The following CCDC184 variants were observed in gnomAD, a reference collection of about 807,000 sequenced individuals.
CCDC184 encodes coiled-coil domain-containing protein 184.
CCDC184 carries 11 observed loss-of-function variants against 10.4 expected under a neutral mutation model. That is an observed-to-expected ratio of 1.06 (90% CI 0.67 to 1.75). CCDC184 has a LOEUF of 1.75. CCDC184 is among the 40% of genes most tolerant of loss of function. The probability of loss-of-function intolerance (pLI) is 0.00; values close to 1 mark genes in which losing one functional copy is unlikely to be tolerated. For synonymous variants in CCDC184, 102 were observed against 116.1 expected, an observed-to-expected ratio of 0.88 and a Z score of 0.78; for missense variants, 264 against 267.9, an observed-to-expected ratio of 0.99 and a Z score of 0.10.
Position 48,183,951 on chromosome 12 carries a change from C to A in CCDC184, c.-172C>A. 1.7e-6 allele frequency: 1 copy of A among 594,668 alleles called. No homozygotes were observed. 36.8% of individuals were successfully genotyped at this position (594,668 alleles called of 1,614,324 possible). On this transcript the variant is annotated 5_prime_UTR_variant, in exon 1 of 1. Transcript: ENST00000316554. ...TCGGCCTCCCGCGATCCTGCCTGCG[C>A]CCTCTGCCCAGGACTCGTCTCTCAC...
chr12:48,184,988 T>A lies in CCDC184; in HGVS notation c.*281T>A. 2.5e-6 allele frequency: 1 copy of A among 404,384 alleles called. No homozygotes were observed. Among genetic ancestry groups the A allele is most frequent in the Admixed American group, 4.0e-5 (1 of 24,706 alleles). 25.0% of individuals were successfully genotyped at this position (404,384 alleles called of 1,614,324 possible). ...TGGACTCCCATCCATCCCTATCCTG[T>A]CCTTTCCCCCTTCCCAGACAACAGG... On this transcript the variant is annotated 3_prime_UTR_variant, in exon 1 of 1. Transcript: ENST00000316554.
rs1592869719 is a variant in CCDC184 at position 48,184,008 on chromosome 12, C to A, written c.-115C>A. ...TCCCCGCCAGTCTCGGGAGCCTCCG[C>A]TTCCCTCGGCTCCCGCTAGCCCCTC... On this transcript the variant is annotated 5_prime_UTR_variant, in exon 1 of 1. Coordinates refer to ENST00000316554, the MANE Select transcript of CCDC184 (RefSeq NM_001013635.4). The A allele has an allele frequency of 8.2e-6, 5 of 608,574 alleles. No homozygotes were observed. The East Asian group carries it at 1.8e-4, about 21-fold the overall frequency. 37.7% of individuals were successfully genotyped at this position (608,574 alleles called of 1,614,324 possible). A position where few individuals can be genotyped will look rare whatever the true frequency, so the allele number is the denominator to read the frequency against.
chr12:48,183,886 C>T lies in CCDC184; in HGVS notation c.-237C>T. On this transcript the variant is annotated 5_prime_UTR_variant, in exon 1 of 1. Transcript: ENST00000316554. Reference sequence around the variant, plus strand: ...CCGGGGCGATCCCAAGAGACGCCGGCTCTGGGACCCTCGCCGGGTCCTCGT... The same window carrying T: ...CCGGGGCGATCCCAAGAGACGCCGGTTCTGGGACCCTCGCCGGGTCCTCGT... 1.9e-6 allele frequency: 1 copy of T among 539,220 alleles called. No individual in the cohort carries two copies. The highest frequency in any genetic ancestry group is 3.3e-6 in the Non-Finnish European group (1 of 303,716). 33.4% of individuals were successfully genotyped at this position (539,220 alleles called of 1,614,324 possible).
In CCDC184 at chr12:48,184,317, G is replaced by A. The variant is rs1951486928; in HGVS notation, c.195G>A (p.Leu65=). ...FEDVRAMRGA[L]DEQASHIQVL... ...ACGTGAGGGCCATGAGGGGGGCCCT[G>A]GACGAGCAGGCCTCGCACATCCAGG... Residue 65 remains leucine, a synonymous_variant, in exon 1 of 1, where the codon CTG becomes CTA. Transcript: ENST00000316554. The A allele has an allele frequency of 2.5e-6, 4 of 1,613,958 alleles. No homozygotes were observed. The highest frequency in any genetic ancestry group is 2.2e-5 in the South Asian group (2 of 91,090).
Position 48,184,281 on chromosome 12 carries a change from C to T in CCDC184, c.159C>T (p.Ala53=). The change falls in exon 1 of 1, where the codon GCC becomes GCT. Residue 53 remains alanine (A), a synonymous_variant. Coordinates refer to ENST00000316554, the MANE Select transcript of CCDC184 (RefSeq NM_001013635.4). ...AGCACCTGAAAGCCCAGCTGCAAGC[C>T]CTGTTTGAGGACGTGAGGGCCATGA... ...LMEHLKAQLQ[A]LFEDVRAMRG... The T allele has an allele frequency of 6.2e-7, 1 of 1,614,150 alleles. No individual in the cohort carries two copies. Among genetic ancestry groups the T allele is most frequent in the Non-Finnish European group, 8.5e-7 (1 of 1,180,020 alleles).
chr12:48,184,516 G>T lies in CCDC184; in HGVS notation c.394G>T (p.Gly132Cys). 6.3e-7 allele frequency: 1 copy of T among 1,588,218 alleles called. No homozygotes were observed. Reference sequence around the variant, plus strand: ...TGGGATCGGGGACAGCGGCTTGCTGGGTCGCGATCCCGAGGACGAGGAGGA... The same window carrying T: ...TGGGATCGGGGACAGCGGCTTGCTGTGTCGCGATCCCGAGGACGAGGAGGA... ...SPGIGDSGLL[G>C]RDPEDEEEEE... Residue 132 changes from glycine (G) to cysteine (C), a missense_variant, in exon 1 of 1, where the codon GGT becomes TGT. Physicochemically the swap from Gly to Cys is radical, Grantham distance 159. Transcript: ENST00000316554.
Position 48,183,910 on chromosome 12 carries a change from G to A in CCDC184, c.-213G>A, listed in dbSNP as rs1380271477. On this transcript the variant is annotated 5_prime_UTR_variant, in exon 1 of 1. Coordinates refer to ENST00000316554, the MANE Select transcript of CCDC184 (RefSeq NM_001013635.4). ...GCTCTGGGACCCTCGCCGGGTCCTCGTCCCGCAGCCTCTTCTCGGCCTCCC... is the reference window on the plus strand; with the variant it reads ...GCTCTGGGACCCTCGCCGGGTCCTCATCCCGCAGCCTCTTCTCGGCCTCCC... 3.7e-6 allele frequency: 2 copies of A among 547,282 alleles called. No homozygotes were observed. The highest frequency in any genetic ancestry group is 3.1e-5 in the Admixed American group (1 of 32,364). 33.9% of individuals were successfully genotyped at this position (547,282 alleles called of 1,614,324 possible).
Position 48,184,312 on chromosome 12 carries a change from G to T in CCDC184, c.190G>T (p.Ala64Ser). Residue 64 changes from alanine to serine, a missense_variant, in exon 1 of 1, where the codon GCC becomes TCC. Physicochemically the swap from Ala to Ser is moderately conservative, Grantham distance 99. Coordinates refer to ENST00000316554, the MANE Select transcript of CCDC184 (RefSeq NM_001013635.4). ...TGAGGACGTGAGGGCCATGAGGGGG[G>T]CCCTGGACGAGCAGGCCTCGCACAT... ...LFEDVRAMRGALDEQASHIQV... is the reference protein window; with the variant it reads ...LFEDVRAMRGSLDEQASHIQV... 17 of 1,614,130 alleles carry T rather than the reference G, an allele frequency of 1.1e-5. No individual in the cohort carries two copies. Among genetic ancestry groups the T allele is most frequent in the Non-Finnish European group, 1.4e-5 (17 of 1,180,018 alleles).
chr12:48,183,988 G>T lies in CCDC184; in HGVS notation c.-135G>T. On this transcript the variant is annotated 5_prime_UTR_variant, in exon 1 of 1. Coordinates refer to ENST00000316554, the MANE Select transcript of CCDC184 (RefSeq NM_001013635.4). ...GACTCGTCTCTCACGTCGGCTCCCC[G>T]CCAGTCTCGGGAGCCTCCGCTTCCC... 3.1e-6 allele frequency: 2 copies of T among 644,470 alleles called. No homozygotes were observed. Among genetic ancestry groups the T allele is most frequent in the Non-Finnish European group, 5.3e-6 (2 of 377,538 alleles). 39.9% of individuals were successfully genotyped at this position (644,470 alleles called of 1,614,324 possible).
Position 48,184,000 on chromosome 12 carries a change from A to C in CCDC184, c.-123A>C. The stretch of plus-strand genomic sequence containing the variant: ...ACGTCGGCTCCCCGCCAGTCTCGGG[A>C]GCCTCCGCTTCCCTCGGCTCCCGCT... On this transcript the variant is annotated 5_prime_UTR_variant, in exon 1 of 1. Transcript: ENST00000316554. 4.1e-4 allele frequency: 208 copies of C among 502,560 alleles called. No homozygotes were observed. The highest frequency in any genetic ancestry group is 1.2e-3 in the Middle Eastern group (2 of 1,652). The allele number at this position is 502,560 out of a possible 1,614,324, so 31.1% of individuals were successfully genotyped here. A position where few individuals can be genotyped will look rare whatever the true frequency, so the allele number is the denominator to read the frequency against.
Position 48,184,695 on chromosome 12 carries a change from G to A in CCDC184, c.573G>A (p.Glu191=), listed in dbSNP as rs147990097. 131 of 1,601,146 alleles carry A rather than the reference G, an allele frequency of 8.2e-5. 2 individuals carry two copies. In the African/African-American group the frequency reaches 1.7e-3, roughly 21 times the overall value. The change falls in exon 1 of 1, where the codon GAG becomes GAA. Residue 191 remains glutamate (E), a synonymous_variant. Coordinates refer to ENST00000316554, the MANE Select transcript of CCDC184 (RefSeq NM_001013635.4). ...TTACCCTGCTGCAACTGGAGGGCGA[G>A]GCCTCCCTGTGAGGGGACTCCGTGG... is the stretch of plus-strand genomic sequence containing the variant. ...PDITLLQLEG[E]ASL
Position 48,183,750 on chromosome 12 carries a change from A to C in CCDC184, c.-373A>C. 4.5e-6 allele frequency: 1 copy of C among 219,868 alleles called. No homozygotes were observed. The highest frequency in any genetic ancestry group is 8.9e-6 in the Non-Finnish European group (1 of 111,854). 13.6% of individuals were successfully genotyped at this position (219,868 alleles called of 1,614,324 possible). On this transcript the variant is annotated 5_prime_UTR_variant, in exon 1 of 1. Transcript: ENST00000316554. ...CAGCCTGGACGCGGACCCCTCCGCG[A>C]GCGCGTCTGTGACCCACGGAACCGG...
In CCDC184 at chr12:48,184,791, G is replaced by C; in HGVS notation, c.*84G>C. 1.9e-6 allele frequency: 2 copies of C among 1,073,848 alleles called. No homozygotes were observed. Among genetic ancestry groups the C allele is most frequent in the Non-Finnish European group, 2.7e-6 (2 of 745,202 alleles). 66.5% of individuals were successfully genotyped at this position (1,073,848 alleles called of 1,614,324 possible). On this transcript the variant is annotated 3_prime_UTR_variant, in exon 1 of 1. Coordinates refer to ENST00000316554, the MANE Select transcript of CCDC184 (RefSeq NM_001013635.4). ...CGAGGGGGACTGAACGGCGCGGTGC[G>C]GCATGCTTCACTTGGACAGCTGCTC... is the stretch of plus-strand genomic sequence containing the variant.
chr12:48,184,154 A>G lies in CCDC184; in HGVS notation c.32A>G (p.Lys11Arg). 1 of 1,613,816 alleles carries G rather than the reference A, an allele frequency of 6.2e-7. No individual in the cohort carries two copies. The highest frequency in any genetic ancestry group is 8.5e-7 in the Non-Finnish European group (1 of 1,179,912). MEDGLLEIMTKDGGDMPAPLE... is the reference protein window; with the variant it reads MEDGLLEIMTRDGGDMPAPLE... ...GACGGTCTGCTGGAGATCATGACCAAGGACGGCGGCGACATGCCGGCGCCC... is the reference window on the plus strand; with the variant it reads ...GACGGTCTGCTGGAGATCATGACCAGGGACGGCGGCGACATGCCGGCGCCC... The change falls in exon 1 of 1, where the codon AAG becomes AGG. Residue 11 changes from lysine to arginine, a missense_variant. Physicochemically the swap from Lys to Arg is conservative, Grantham distance 26. Coordinates refer to ENST00000316554, the MANE Select transcript of CCDC184 (RefSeq NM_001013635.4).
rs1441895800 is a variant in CCDC184, at chr12:48,185,220, G to C, written c.*513G>C. 1 of 167,184 alleles carries C rather than the reference G, an allele frequency of 6.0e-6. No homozygotes were observed. Among genetic ancestry groups the C allele is most frequent in the Non-Finnish European group, 1.5e-5 (1 of 68,334 alleles). The allele number at this position is 167,184 out of a possible 1,614,324, so 10.4% of individuals were successfully genotyped here. Reference sequence around the variant, plus strand: ...GCCTCTCCCCCTCACAGATCTCTGCGGCTGCTGATTGGTAAAGGAAGCTTG... The same window carrying C: ...GCCTCTCCCCCTCACAGATCTCTGCCGCTGCTGATTGGTAAAGGAAGCTTG... On this transcript the variant is annotated 3_prime_UTR_variant, in exon 1 of 1. Coordinates refer to ENST00000316554, the MANE Select transcript of CCDC184 (RefSeq NM_001013635.4).
In CCDC184 at chr12:48,183,832, G is replaced by A. The variant is rs892003785; in HGVS notation, c.-291G>A. ...CGGCGCTGACACGGGCGCGATCCGG[G>A]AGGCGAGGCAGGGCAGGGCACTTTC... On this transcript the variant is annotated 5_prime_UTR_variant, in exon 1 of 1. Coordinates refer to ENST00000316554, the MANE Select transcript of CCDC184 (RefSeq NM_001013635.4). 14 of 395,168 alleles carry A rather than the reference G, an allele frequency of 3.5e-5. No individual in the cohort carries two copies. Among genetic ancestry groups the A allele is most frequent in the African/African-American group, 1.5e-4 (7 of 48,132 alleles). The allele number at this position is 395,168 out of a possible 1,614,324, so 24.5% of individuals were successfully genotyped here. A position where few individuals can be genotyped will look rare whatever the true frequency, so the allele number is the denominator to read the frequency against.
chr12:48,184,044 T>TCCCCCC lies in CCDC184; in HGVS notation c.-74_-73insCCCCCC. On this transcript the variant is annotated 5_prime_UTR_variant, in exon 1 of 1. Transcript: ENST00000316554. ...TCCCGCTAGCCCCTCCCGGGACCTC[T>TCCCCCC]CCCCCTCCACCCCCTCCCCCACCCC... 4 of 652,394 alleles carry TCCCCCC rather than the reference T, an allele frequency of 6.1e-6. No homozygotes were observed. Among genetic ancestry groups the TCCCCCC allele is most frequent in the South Asian group, 1.7e-5 (1 of 57,596 alleles). The allele number at this position is 652,394 out of a possible 1,614,324, so 40.4% of individuals were successfully genotyped here. A position where few individuals can be genotyped will look rare whatever the true frequency, so the allele number is the denominator to read the frequency against.
rs1018389685 is a variant in CCDC184 at position 48,184,867 on chromosome 12, A to G, written c.*160A>G. 2.7e-5 allele frequency: 17 copies of G among 622,026 alleles called. 1 individual carries two copies. The Middle Eastern group carries it at 1.1e-3, about 40-fold the overall frequency. 38.5% of individuals were successfully genotyped at this position (622,026 alleles called of 1,614,324 possible). A position where few individuals can be genotyped will look rare whatever the true frequency, so the allele number is the denominator to read the frequency against. ...CCTCGAGGAAGGATTTGTAGGGTGA[A>G]GGACTTTGGGAGCATCGAGAATTCT... On this transcript the variant is annotated 3_prime_UTR_variant, in exon 1 of 1. Transcript: ENST00000316554.
rs1951484925 is a variant in CCDC184 at position 48,184,064 on chromosome 12, C to G, written c.-59C>G. On this transcript the variant is annotated 5_prime_UTR_variant, in exon 1 of 1. Coordinates refer to ENST00000316554, the MANE Select transcript of CCDC184 (RefSeq NM_001013635.4). ...ACCTCTCCCCCTCCACCCCCTCCCC[C>G]ACCCCGGAGGCCGGGCTGGACGCGA... 3 of 1,317,768 alleles carry G rather than the reference C, an allele frequency of 2.3e-6. No homozygotes were observed. The highest frequency in any genetic ancestry group is 1.3e-5 in the South Asian group (1 of 76,758). 81.6% of individuals were successfully genotyped at this position (1,317,768 alleles called of 1,614,324 possible). A position where few individuals can be genotyped will look rare whatever the true frequency, so the allele number is the denominator to read the frequency against.
Sources: gnomAD v4.1 joint callset for allele counts on GRCh38, gnomAD v4.1.1 for gene constraint, MANE v1.5 for transcripts, NCBI Gene and HGNC (gene_info 2026-07-23, HGNC 2026-07-21) for gene names.